Variants in ARHGAP15 observed in about 807,000 individuals in gnomAD.
The protein encoded by ARHGAP15 is rho GTPase-activating protein 15.
ARHGAP15 carries 51 observed loss-of-function variants against 63.7 expected under a neutral mutation model. That is an observed-to-expected ratio of 0.80 (90% confidence interval 0.64 to 1.01). The LOEUF is 1.01. ARHGAP15 is among the 50% of genes least tolerant of loss of function. The pLI is 0.00. For missense variants in ARHGAP15, 560 were observed against 564.6 expected (o/e 0.99, Z 0.08); for synonymous variants, 191 against 193.8 (o/e 0.99, Z 0.12).
chr2:143,396,474 A>G (rs1687763487), intron 6 of ARHGAP15, among the ~76,000 whole-genome samples: 1 of 152,092 alleles, frequency 6.6e-6, no homozygotes, highest in African/African-American at 2.4e-5. Context: ...CCCCCAGTCA[A>G]GTGGTCCCCA....
rs367881327 is a variant in ARHGAP15, at chr2:143,155,278, T to A, written c.-14-199T>A. Among the ~76,000 whole-genome samples the A allele has an allele frequency of 2.0e-5, 3 of 151,904 alleles. 1 individual carries two copies. Among genetic ancestry groups the A allele is most frequent in the South Asian group, 4.1e-4 (2 of 4,822 alleles). On this transcript the variant is annotated intron_variant, in intron 1 of 13. Transcript: ENST00000295095. ...TAAACTTCTGAAGTCCTCTGTTATG[T>A]ATAGTGCTATCCACATGTAAAGGTC...
intron 6 of ARHGAP15, among the ~76,000 whole-genome samples, chr2:143,318,008 C>T (rs1558888164): frequency 6.7e-6 from 1 of 148,782 alleles, no homozygotes; most frequent in Non-Finnish European, 1.5e-5. Flanking sequence ...AAATTTTATC[C>T]TTTTTTTTTT....
At chr2:143,684,807 T>G (rs899546964) in intron 12 of ARHGAP15, among the ~76,000 whole-genome samples, 1 of 152,074 alleles carries the variant, frequency 6.6e-6, no homozygotes, top group Non-Finnish European at 1.5e-5. Context: ...TAAAAAGAAA[T>G]AAATCATTGT....
rs1365575623 is a variant in ARHGAP15, at chr2:143,673,746, G to A, written c.1139-29673G>A. Among the ~76,000 whole-genome samples the A allele has an allele frequency of 4.3e-3, 127 of 29,632 alleles. 2 individuals carry two copies. Among genetic ancestry groups the A allele is most frequent in the South Asian group, 5.3e-3 (2 of 378 alleles). 19.4% of individuals were successfully genotyped at this position (29,632 alleles called of 152,430 possible). The stretch of plus-strand genomic sequence containing the variant: ...ATTGTGTGTGTGTGTGTGTGTGTGT[G>A]TGTGTGTGTGTGTATATATATATAT... On this transcript the variant is annotated intron_variant, in intron 12 of 13. Transcript: ENST00000295095.
intron 13 of ARHGAP15, among the ~76,000 whole-genome samples, chr2:143,721,412 A>G (rs1432320820): frequency 6.6e-6 from 1 of 152,154 alleles, no homozygotes; most frequent in Non-Finnish European, 1.5e-5. Flanking sequence ...GGGGAGAAGA[A>G]AAGGTAAAGA....
intron 11 of ARHGAP15, among the ~76,000 whole-genome samples, chr2:143,609,339 T>C (rs1282089019): frequency 6.6e-6 from 1 of 152,184 alleles, no homozygotes; most frequent in Non-Finnish European, 1.5e-5. Flanking sequence ...ACATGCAGCA[T>C]CTGGGCACAA....
chr2:143,210,428 C>G (rs997606335), intron 3 of ARHGAP15, among the ~76,000 whole-genome samples: 1 of 152,030 alleles, frequency 6.6e-6, no homozygotes, highest in Non-Finnish European at 1.5e-5. Flanking sequence ...TTCAAAATGA[C>G]ATTTTGATGA....
chr2:143,519,166 A>G, intron 9 of ARHGAP15, 100 bp from the exon 10 acceptor site: 2 of 878,058 alleles, frequency 2.3e-6, no homozygotes, highest in Non-Finnish European at 3.6e-6. Context: ...ATCTTATGCA[A>G]GATGAAGATT....
intron 11 of ARHGAP15, among the ~76,000 whole-genome samples, chr2:143,567,773 C>G (rs187027891): frequency 6.6e-6 from 1 of 152,156 alleles, no homozygotes; most frequent in Non-Finnish European, 1.5e-5. Flanking sequence ...AAGTCCCTGT[C>G]GGCCCCATAT....
chr2:143,243,384 G>T (rs898842900), intron 5 of ARHGAP15, among the ~76,000 whole-genome samples: 2 of 151,984 alleles, frequency 1.3e-5, no homozygotes, highest in African/African-American at 4.8e-5. Context: ...TAAAAAAGAG[G>T]CTTTTATGTT....
intron 10 of ARHGAP15, among the ~76,000 whole-genome samples, chr2:143,550,985 A>G (rs548122493): frequency 7.2e-5 from 11 of 152,196 alleles, no homozygotes; most frequent in Non-Finnish European, 1.2e-4. Context: ...AAGATATAGA[A>G]ATAGGCAAAT....
At chr2:143,391,160 G>T (rs1687522859) in intron 6 of ARHGAP15, among the ~76,000 whole-genome samples, 1 of 152,194 alleles carries the variant, frequency 6.6e-6, no homozygotes, top group Non-Finnish European at 1.5e-5. Flanking sequence ...CTGCACAAAA[G>T]TTATTACAGG....
At chr2:143,205,250 A>G (rs1208640724) in intron 3 of ARHGAP15, among the ~76,000 whole-genome samples, 1 of 146,100 alleles carries the variant, frequency 6.8e-6, no homozygotes, top group Non-Finnish European at 1.5e-5. Flanking sequence ...TTGTGCAGAG[A>G]GAGATAAAAA....
chr2:143,550,627 CAT>C, intron 10 of ARHGAP15, among the ~76,000 whole-genome samples: 1 of 152,332 alleles, frequency 6.6e-6, no homozygotes, highest in South Asian at 2.1e-4. Flanking sequence ...ACAGCAAAGA[CAT>C]AGAACATTTC....
intron 11 of ARHGAP15, among the ~76,000 whole-genome samples, chr2:143,579,873 TTTTTTA>T (rs1305977969): frequency 1.3e-5 from 2 of 151,048 alleles, no homozygotes; most frequent in African/African-American, 2.4e-5. Flanking sequence ...TTTGTTTTAT[TTTTTTA>T]TTTTTATTTT....
chr2:143,694,049 T>C (rs1021107785), intron 12 of ARHGAP15, among the ~76,000 whole-genome samples: 1 of 152,238 alleles, frequency 6.6e-6, no homozygotes, highest in Non-Finnish European at 1.5e-5. Context: ...ATTTCTAAAG[T>C]ACTGCGCAGG....
intron 11 of ARHGAP15, among the ~76,000 whole-genome samples, chr2:143,566,459 G>A (rs1179400454): frequency 6.6e-6 from 1 of 152,100 alleles, no homozygotes; most frequent in Non-Finnish European, 1.5e-5. Context: ...CCATTCACAT[G>A]GAGCCTCCAT....
At chr2:143,434,980 C>A (rs993744131) in intron 6 of ARHGAP15, among the ~76,000 whole-genome samples, 1 of 152,040 alleles carries the variant, frequency 6.6e-6, no homozygotes, top group African/African-American at 2.4e-5. Context: ...AAATACTCTC[C>A]CAGAGAGGTT....
intron 1 of ARHGAP15, among the ~76,000 whole-genome samples, chr2:143,144,809 A>G (rs1396477320): frequency 6.6e-6 from 1 of 152,110 alleles, no homozygotes; most frequent in African/African-American, 2.4e-5. Flanking sequence ...GAGCAGTAAT[A>G]TGAACAAAAT....
Sources: gnomAD v4.1 joint callset for allele counts (sites outside exome capture counted in the v4.1 genomes callset) on GRCh38, gnomAD v4.1.1 for gene constraint, MANE v1.5 for transcripts, NCBI Gene and HGNC (gene_info 2026-07-23, HGNC 2026-07-21) for gene names.